HELZ: variants seen among roughly 807,000 people sequenced by gnomAD.
HELZ encodes the protein helicase with zinc finger.
In HELZ, 23 loss-of-function variants were observed where a neutral mutation model predicts 218.2. That is an observed-to-expected ratio of 0.11 (90% CI 0.08 to 0.15). The LOEUF is 0.15. Among genes scored for constraint, HELZ ranks in the 10% least tolerant of loss-of-function variants. The pLI is 1.00. For missense variants in HELZ, 1,813 were observed against 2,353.7 expected, an observed-to-expected ratio of 0.77 and a Z score of 4.75; for synonymous variants, 814 against 829.4, an observed-to-expected ratio of 0.98 and a Z score of 0.32.
intron 12 of HELZ, among the ~76,000 whole-genome samples, chr17:67,186,909 G>A (rs1456124016): frequency 1.3e-5 from 2 of 152,182 alleles, no homozygotes; most frequent in Non-Finnish European, 2.9e-5. Context: ...CAACTTACTA[G>A]TTCAGGGGTA....
chr17:67,234,764 C>G (rs2041133739), intron 3 of HELZ, among the ~76,000 whole-genome samples: 1 of 152,064 alleles, frequency 6.6e-6, no homozygotes, highest in Non-Finnish European at 1.5e-5. Context: ...CCATTATATT[C>G]CTTTATGTAT....
chr17:67,087,199 G>T, intron 31 of HELZ, 118 bp from the exon 32 acceptor site: 1 of 939,246 alleles, frequency 1.1e-6, no homozygotes, highest in Non-Finnish European at 1.6e-6. Context: ...AATATACTGT[G>T]ACTGTGAAAC....
chr17:67,192,603 A>G (rs1011550835), intron 9 of HELZ, among the ~76,000 whole-genome samples: 3 of 152,218 alleles, frequency 2.0e-5, no homozygotes, highest in Non-Finnish European at 4.4e-5. Context: ...AAATCTTCTC[A>G]TATTTCCTTT....
intron 14 of HELZ, 47 bp downstream of exon 14, chr17:67,167,416 A>G (rs1376322335): frequency 2.3e-6 from 3 of 1,332,558 alleles, no homozygotes; most frequent in African/African-American, 1.5e-5. Context: ...ACGAGCTGAT[A>G]ATGAGGCTAC....
chr17:67,116,676 T>G (rs537282021), intron 27 of HELZ, among the ~76,000 whole-genome samples: 1 of 152,116 alleles, frequency 6.6e-6, no homozygotes, highest in Non-Finnish European at 1.5e-5. Flanking sequence ...CTCCTAATAA[T>G]AGAACTTCAA....
intron 17 of HELZ, among the ~76,000 whole-genome samples, chr17:67,157,942 C>T (rs1350251533): frequency 6.6e-6 from 1 of 152,132 alleles, no homozygotes; most frequent in East Asian, 1.9e-4. Context: ...TCTTGAGAAC[C>T]ACACACAAAA....
chr17:67,139,483 A>G (rs933492308), intron 21 of HELZ, among the ~76,000 whole-genome samples: 7 of 152,164 alleles, frequency 4.6e-5, no homozygotes, highest in African/African-American at 1.7e-4. Context: ...AGCAACACAC[A>G]ACCATTTCTG....
intron 9 of HELZ, among the ~76,000 whole-genome samples, chr17:67,192,147 A>C (rs1002896275): frequency 1.3e-4 from 20 of 152,128 alleles, no homozygotes; most frequent in Admixed American, 1.3e-3. Flanking sequence ...GGTTGCAGTA[A>C]GCCGAGATCA....
chr17:67,234,452 C>T (rs989448496), intron 3 of HELZ, among the ~76,000 whole-genome samples: 21 of 151,950 alleles, frequency 1.4e-4, no homozygotes, highest in Non-Finnish European at 1.2e-4. Flanking sequence ...AATTCAGGTT[C>T]TCATCGCCCT....
chr17:67,140,727 A>G (rs1443934354), intron 21 of HELZ, among the ~76,000 whole-genome samples: 1 of 152,212 alleles, frequency 6.6e-6, no homozygotes, highest in Admixed American at 6.5e-5. Context: ...TATACATCCA[A>G]GCTCAATGAA....
At chr17:67,157,816 T>C (rs180812798) in intron 17 of HELZ, among the ~76,000 whole-genome samples, 2 of 152,300 alleles carry the variant, frequency 1.3e-5, no homozygotes, top group East Asian at 1.9e-4. Context: ...ATATGCTTCT[T>C]TGAAGATCAA....
At chr17:67,133,737 A>G (rs1022220762) in intron 23 of HELZ, among the ~76,000 whole-genome samples, 2 of 151,430 alleles carry the variant, frequency 1.3e-5, no homozygotes, top group African/African-American at 2.4e-5. Flanking sequence ...GTGATCTCAA[A>G]CTCCTGAGCT....
rs77974975 is a variant in HELZ, at chr17:67,110,763, G to GA, written c.3919-1078dup. Among the ~76,000 whole-genome samples the GA allele has an allele frequency of 3.9e-5, 6 of 152,282 alleles. No homozygotes were observed. The East Asian group carries it at 1.2e-3, about 29-fold the overall frequency. ...TCTGTAGCTGCTTGTGCACTATAAT[G>GA]ATAGAGCAGAACAGCTCCAACAGAG... On this transcript the variant is annotated intron_variant, in intron 28 of 32. Coordinates refer to ENST00000358691, the MANE Select transcript of HELZ (RefSeq NM_014877.4).
chr17:67,118,907 A>T (rs1373820021), intron 27 of HELZ, among the ~76,000 whole-genome samples: 1 of 152,120 alleles, frequency 6.6e-6, no homozygotes, highest in Non-Finnish European at 1.5e-5. Context: ...GATACTCAAC[A>T]TCACTCATTA....
intron 3 of HELZ, among the ~76,000 whole-genome samples, chr17:67,230,595 C>CAAAAAA (rs376918246): frequency 9.0e-6 from 1 of 111,404 alleles, no homozygotes; most frequent in African/African-American, 3.7e-5. Context: ...GACTCCATCT[C>CAAAAAA]AAAAAAAAAA....
intron 5 of HELZ, among the ~76,000 whole-genome samples, chr17:67,207,296 T>C (rs1473046291): frequency 7.1e-6 from 1 of 140,678 alleles, no homozygotes; most frequent in Non-Finnish European, 1.5e-5. Context: ...TTAGGCTCAC[T>C]GCAACCACCG....
rs9891672 is a variant in HELZ, at chr17:67,231,465, C to G, written c.-19+7968G>C. On this transcript the variant is annotated intron_variant, in intron 3 of 32. Coordinates refer to ENST00000358691, the MANE Select transcript of HELZ (RefSeq NM_014877.4). ...ACAATTAGCCAGGCGTGGTGGCAGG[C>G]GCCTGTAGTCCTAGCTACTCGGGAG... Among the ~76,000 whole-genome samples, 3 of 151,762 alleles carry G rather than the reference C, an allele frequency of 2.0e-5. No individual in the cohort carries two copies. The South Asian group carries it at 6.3e-4, about 32-fold the overall frequency.
chr17:67,207,211 C>CTTTT (rs61019173), intron 5 of HELZ, among the ~76,000 whole-genome samples: 4 of 75,552 alleles, frequency 5.3e-5, no homozygotes, highest in African/African-American at 7.3e-5. Flanking sequence ...CACGCCCGGC[C>CTTTT]TTTTTTTTTT....
chr17:67,124,600 G>T lies in HELZ; in HGVS notation c.3388-586C>A, dbSNP rs559382645. Among the ~76,000 whole-genome samples, 95 of 152,196 alleles carry T rather than the reference G, an allele frequency of 6.2e-4. 1 individual carries two copies. Among genetic ancestry groups the T allele is most frequent in the African/African-American group, 2.2e-3 (93 of 41,552 alleles). On this transcript the variant is annotated intron_variant, in intron 24 of 32. Coordinates refer to ENST00000358691, the MANE Select transcript of HELZ (RefSeq NM_014877.4). ...TAGCTAACTGCTAGACAGCAATATG[G>T]CAATACATATCAACAGCATCAAAAA... is the stretch of plus-strand genomic sequence containing the variant.
Sources: gnomAD v4.1 joint callset for allele counts (sites outside exome capture counted in the v4.1 genomes callset) on GRCh38, gnomAD v4.1.1 for gene constraint, MANE v1.5 for transcripts, NCBI Gene and HGNC (gene_info 2026-07-23, HGNC 2026-07-21) for gene names.